ZNF385D: variants seen among roughly 807,000 people sequenced by gnomAD.
ZNF385D encodes the protein zinc finger protein 385D, also known as zinc finger protein 659.
ZNF385D carries 15 observed loss-of-function variants against 35.8 expected under a neutral mutation model. That is an observed-to-expected ratio of 0.42 (90% confidence interval 0.28 to 0.64). The LOEUF is 0.64. Ranked by LOEUF, ZNF385D falls within the 30% of genes least tolerant of loss-of-function variation. ZNF385D has a pLI of 0.23. For synonymous variants in ZNF385D, 212 were observed against 186.8 expected, an observed-to-expected ratio of 1.13 and a Z score of -1.10; for missense variants, 474 against 494.6, an observed-to-expected ratio of 0.96 and a Z score of 0.39.
chr3:21,949,578 T>C (rs1701964761), intron 3 of ZNF385D, among the ~76,000 whole-genome samples: 1 of 146,102 alleles, frequency 6.8e-6, no homozygotes, highest in African/African-American at 2.6e-5. Context: ...TTTAATACTT[T>C]TAAGTTCTGG....
chr3:22,101,296 A>G (rs1476158357), intron 3 of ZNF385D, among the ~76,000 whole-genome samples: 1 of 152,072 alleles, frequency 6.6e-6, no homozygotes, highest in Non-Finnish European at 1.5e-5. Flanking sequence ...ATAAGTAAAT[A>G]TATTTATGTA....
chr3:21,531,890 G>A (rs1475936357), intron 3 of ZNF385D, among the ~76,000 whole-genome samples: 2 of 152,260 alleles, frequency 1.3e-5, no homozygotes, highest in Admixed American at 6.5e-5. Context: ...AATTGCAGAC[G>A]TTGGTAATAA....
rs74733922 is a variant in ZNF385D at position 21,855,004 on chromosome 3, C to G, written c.326-189976G>C. Among the ~76,000 whole-genome samples, 28 of 151,992 alleles carry G rather than the reference C, an allele frequency of 1.8e-4. No individual in the cohort carries two copies. The East Asian group carries it at 5.5e-3, about 30-fold the overall frequency. ...GAAAGATGTGACTGGCTGGCACTCA[C>G]ATCTATACAACATGATTTTTACCCA... On this transcript the variant is annotated intron_variant, in intron 3 of 5. Transcript: ENST00000494108.
chr3:21,738,575 G>A (rs2069358805), intron 1 of ZNF385D, among the ~76,000 whole-genome samples: 1 of 152,156 alleles, frequency 6.6e-6, no homozygotes, highest in African/African-American at 2.4e-5. Flanking sequence ...TGAGGCTCAG[G>A]ACAATTCACC....
chr3:21,827,825 T>C (rs1169526590), intron 3 of ZNF385D, among the ~76,000 whole-genome samples: 4 of 152,212 alleles, frequency 2.6e-5, no homozygotes, highest in South Asian at 4.1e-4. Context: ...CCCTTTGAAG[T>C]TTGCCTTTCA....
At chr3:21,527,810 C>T (rs751185058) in intron 3 of ZNF385D, among the ~76,000 whole-genome samples, 3 of 152,030 alleles carry the variant, frequency 2.0e-5, no homozygotes, top group Non-Finnish European at 4.4e-5. Flanking sequence ...GCATATTTGT[C>T]ATCGCAGCTT....
At chr3:22,354,907 G>A (rs533531602) in intron 2 of ZNF385D, among the ~76,000 whole-genome samples, 14 of 152,084 alleles carry the variant, frequency 9.2e-5, no homozygotes, top group South Asian at 8.3e-4. Flanking sequence ...CAATAGCCAC[G>A]TGTCACTCAT....
At chr3:22,247,044 GT>G (rs1313597501) in intron 2 of ZNF385D, among the ~76,000 whole-genome samples, 6 of 152,038 alleles carry the variant, frequency 3.9e-5, no homozygotes, top group Non-Finnish European at 8.8e-5. Flanking sequence ...AACTCACACA[GT>G]TTTACTTATA....
At chr3:22,177,038 A>G (rs1488621363) in intron 2 of ZNF385D, among the ~76,000 whole-genome samples, 1 of 152,098 alleles carries the variant, frequency 6.6e-6, no homozygotes, top group Non-Finnish European at 1.5e-5. Context: ...CTGTATTCTG[A>G]CCTACTGTTC....
rs74709314 is a variant in ZNF385D, at chr3:22,058,382, G to A, written c.325+110435C>T. ...CCCAAGCCTCCAGGATTCAAGCCAG[G>A]ATAGAACCCTATTGTTTAAAAGGAC... On this transcript the variant is annotated intron_variant, in intron 3 of 5. Transcript: ENST00000494108. Among the ~76,000 whole-genome samples, 1,036 of 152,296 alleles carry A rather than the reference G, an allele frequency of 6.8e-3. 10 individuals carry two copies. The highest frequency in any genetic ancestry group is 0.024 in the African/African-American group (993 of 41,548).
At chr3:22,319,850 A>T (rs577395147) in intron 2 of ZNF385D, among the ~76,000 whole-genome samples, 3 of 151,816 alleles carry the variant, frequency 2.0e-5, no homozygotes, top group East Asian at 3.9e-4. Flanking sequence ...ACTTCTGAAA[A>T]TTTTTTTTTA....
At chr3:21,645,479 C>T (rs1250818716) in intron 2 of ZNF385D, among the ~76,000 whole-genome samples, 2 of 152,232 alleles carry the variant, frequency 1.3e-5, no homozygotes, top group East Asian at 3.9e-4. Context: ...TTTGCAATTA[C>T]CAGAAAAGGT....
intron 3 of ZNF385D, among the ~76,000 whole-genome samples, chr3:21,960,877 T>C (rs889840269): frequency 2.0e-5 from 3 of 152,074 alleles, no homozygotes; most frequent in Admixed American, 2.0e-4. Flanking sequence ...TAAAAAATAC[T>C]GAGCTCTTGG....
At chr3:21,859,832 G>C (rs115168543) in intron 3 of ZNF385D, among the ~76,000 whole-genome samples, 57 of 152,066 alleles carry the variant, frequency 3.7e-4, no homozygotes, top group African/African-American at 1.3e-3. Flanking sequence ...CTTTCCATTT[G>C]AAGCCCAAAG....
chr3:22,197,902 TTTTTG>T (rs575165265), intron 2 of ZNF385D, among the ~76,000 whole-genome samples: 211 of 152,234 alleles, frequency 1.4e-3, no homozygotes, highest in African/African-American at 4.6e-3. Context: ...TTCAAACAGC[TTTTTG>T]TTATCATTTT....
chr3:22,352,929 C>T (rs1292859249), intron 2 of ZNF385D, among the ~76,000 whole-genome samples: 2 of 152,168 alleles, frequency 1.3e-5, no homozygotes, highest in African/African-American at 2.4e-5. Context: ...TGATTAGAAG[C>T]TCTCTTCCTT....
chr3:21,978,914 T>C (rs1694225822), intron 3 of ZNF385D, among the ~76,000 whole-genome samples: 1 of 152,154 alleles, frequency 6.6e-6, no homozygotes, highest in African/African-American at 2.4e-5. Context: ...AAGTAAAATA[T>C]GTGAAAAAAC....
In ZNF385D at chr3:22,169,036, C is replaced by G. The variant is rs1576436950; in HGVS notation, c.107-1G>C. 1 of 985,356 alleles carries G rather than the reference C, an allele frequency of 1.0e-6. No homozygotes were observed. Among genetic ancestry groups the G allele is most frequent in the South Asian group, 4.7e-5 (1 of 21,274 alleles). 61.0% of individuals were successfully genotyped at this position (985,356 alleles called of 1,614,324 possible). A position where few individuals can be genotyped will look rare whatever the true frequency, so the allele number is the denominator to read the frequency against. On this transcript the variant is annotated splice_acceptor_variant, in intron 2 of 5. Transcript: ENST00000494108. LOFTEE classifies it high-confidence loss of function. Reference sequence around the variant, plus strand: ...TCGCCATCGTGTACACAGGTGAAATCTGAGGGTGCAAGGAAAATTATGAAC... The same window carrying G: ...TCGCCATCGTGTACACAGGTGAAATGTGAGGGTGCAAGGAAAATTATGAAC...
At chr3:21,798,536 C>T (rs2072255291) in intron 3 of ZNF385D, among the ~76,000 whole-genome samples, 1 of 151,980 alleles carries the variant, frequency 6.6e-6, no homozygotes, top group South Asian at 2.1e-4. Flanking sequence ...TTTCTTGTCT[C>T]TTCAATTGGC....
Sources: allele counts gnomAD v4.1 joint callset (sites outside exome capture counted in the v4.1 genomes callset), GRCh38; gene constraint gnomAD v4.1.1; transcripts MANE v1.5; gene names NCBI Gene and HGNC (gene_info 2026-07-23, HGNC 2026-07-21).